TBCK: variants seen among roughly 807,000 people sequenced by gnomAD.
The protein encoded by TBCK is TBC domain-containing protein kinase-like protein.
A neutral mutation model predicts 113.4 loss-of-function variants in TBCK; 99 were observed. The observed-to-expected ratio is 0.87, with a 90% confidence interval of 0.74 to 1.03. The LOEUF (loss-of-function observed/expected upper bound fraction) is 1.03. Ranked by LOEUF, TBCK falls within the 50% of genes least tolerant of loss-of-function variation. The pLI, the probability that TBCK is intolerant of heterozygous loss-of-function variation, is 0.00. For synonymous variants in TBCK, 369 were observed against 370.8 expected (o/e 1.00, Z 0.05); for missense variants, 1,045 against 1,061.3 (o/e 0.98, Z 0.21).
intron 23 of TBCK, among the ~76,000 whole-genome samples, chr4:106,168,834 C>T (rs1379612972): frequency 6.6e-6 from 1 of 151,752 alleles, no homozygotes; most frequent in East Asian, 1.9e-4. Context: ...AGAAATCCAA[C>T]AACTAGATAA....
intron 23 of TBCK, among the ~76,000 whole-genome samples, chr4:106,151,418 T>C (rs1748473043): frequency 6.6e-6 from 1 of 151,946 alleles, no homozygotes; most frequent in Admixed American, 6.6e-5. Context: ...ATGAGTTCAA[T>C]TTATTTTAAT....
chr4:106,240,805 A>G (rs1348417742), intron 12 of TBCK, among the ~76,000 whole-genome samples: 1 of 152,052 alleles, frequency 6.6e-6, no homozygotes, highest in Non-Finnish European at 1.5e-5. Context: ...AAAAAATATG[A>G]TGGATTGATG....
chr4:106,226,725 T>C (rs938313889), intron 19 of TBCK, among the ~76,000 whole-genome samples: 1 of 152,180 alleles, frequency 6.6e-6, no homozygotes, highest in Non-Finnish European at 1.5e-5. Flanking sequence ...ATTATTTAAA[T>C]TGCATAGTTT....
At chr4:106,301,284 CTACTT>C (rs139646381) in intron 2 of TBCK, among the ~76,000 whole-genome samples, 19,598 of 151,816 alleles carry the variant, frequency 0.13, 1,578 homozygotes, top group South Asian at 0.24. Flanking sequence ...CTATTATTCT[CTACTT>C]TAATTTCAAA....
intron 5 of TBCK, among the ~76,000 whole-genome samples, chr4:106,259,736 C>T (rs1397887210): frequency 6.6e-6 from 1 of 151,828 alleles, no homozygotes; most frequent in Non-Finnish European, 1.5e-5. Flanking sequence ...ATTTTTGTAA[C>T]TATTTTATCT....
chr4:106,255,984 T>C (rs1004795961), intron 5 of TBCK, among the ~76,000 whole-genome samples: 11 of 152,164 alleles, frequency 7.2e-5, no homozygotes, highest in African/African-American at 2.7e-4. Context: ...GGTGTCCCTA[T>C]GAGCATTCAG....
Position 106,174,234 on chromosome 4 carries a change from G to A in TBCK, c.2060-2964C>T, listed in dbSNP as rs370715802. ...CCCTATATTTGATTCCTAACTTTTT[G>A]GGTAAGACATTATTTACCACTCTTT... On this transcript the variant is annotated intron_variant, in intron 22 of 25. Coordinates refer to ENST00000394708, the MANE Select transcript of TBCK (RefSeq NM_001163435.3). Among the ~76,000 whole-genome samples, 8 of 152,042 alleles carry A rather than the reference G, an allele frequency of 5.3e-5. No individual in the cohort carries two copies. In the South Asian group the frequency reaches 1.0e-3, roughly 20 times the overall value.
At chr4:106,194,842 T>C (rs1334470581) in intron 20 of TBCK, 88 bp from the exon 21 acceptor site, 6 of 1,175,380 alleles carry the variant, frequency 5.1e-6, no homozygotes, top group Non-Finnish European at 7.2e-6. Context: ...AAATGGTAAA[T>C]GTAAGTTCTA....
rs79456874 is a variant in TBCK, at chr4:106,175,188, T to C, written c.2060-3918A>G. On this transcript the variant is annotated intron_variant, in intron 22 of 25. Transcript: ENST00000394708. ...TCCAGATTTTCAACAATTTTCATTG[T>C]TATGTTTAAAAGTTCTGTTTTTTCA... 2.7e-3 allele frequency among the ~76,000 whole-genome samples: 411 copies of C among 151,970 alleles called. 4 individuals carry two copies. The highest frequency in any genetic ancestry group is 9.4e-3 in the African/African-American group (391 of 41,500).
intron 22 of TBCK, among the ~76,000 whole-genome samples, chr4:106,174,850 C>T (rs894057408): frequency 1.3e-5 from 2 of 151,994 alleles, no homozygotes; most frequent in African/African-American, 2.4e-5. Flanking sequence ...AGGCCAGGCA[C>T]GGTGGCTCAT....
At chr4:106,109,018 T>TACAC (rs112164356) in intron 24 of TBCK, among the ~76,000 whole-genome samples, 26,477 of 140,480 alleles carry the variant, frequency 0.19, 2,479 homozygotes, top group Middle Eastern at 0.28. Context: ...GACACACACA[T>TACAC]ACACACACAC....
At chr4:106,117,609 T>C (rs1245545652) in intron 23 of TBCK, among the ~76,000 whole-genome samples, 2 of 152,200 alleles carry the variant, frequency 1.3e-5, no homozygotes, top group Non-Finnish European at 1.5e-5. Flanking sequence ...AGAAGAAGGA[T>C]GAGCCTTTCC....
intron 23 of TBCK, among the ~76,000 whole-genome samples, chr4:106,143,693 C>A (rs1048340754): frequency 1.1e-4 from 16 of 151,848 alleles, no homozygotes; most frequent in African/African-American, 3.9e-4. Flanking sequence ...GGCGGGCGGA[C>A]CACCTGAGGT....
chr4:106,107,483 T>C (rs1335930549), intron 24 of TBCK, among the ~76,000 whole-genome samples: 1 of 152,096 alleles, frequency 6.6e-6, no homozygotes, highest in African/African-American at 2.4e-5. Flanking sequence ...ACAATAAAAA[T>C]CACTCAAAAT....
intron 22 of TBCK, among the ~76,000 whole-genome samples, chr4:106,182,952 C>A (rs780659976): frequency 6.6e-6 from 1 of 152,036 alleles, no homozygotes; most frequent in African/African-American, 2.4e-5. Flanking sequence ...TTGAGTAACT[C>A]ACTGATCCAC....
At position 106,266,343 on chromosome 4, in the gene TBCK, AC is replaced by A. The variant is rs938371401; in HGVS notation, c.267-4132del. 2.4e-4 allele frequency among the ~76,000 whole-genome samples: 36 copies of A among 151,866 alleles called. 1 individual carries two copies. The highest frequency in any genetic ancestry group is 2.1e-3 in the Admixed American group (32 of 15,208). On this transcript the variant is annotated intron_variant, in intron 3 of 25. Coordinates refer to ENST00000394708, the MANE Select transcript of TBCK (RefSeq NM_001163435.3). Reference sequence around the variant, plus strand: ...TTCTTGTCTGTTTCTCACACAACTCACAAAAAACTGATGCCATATTCAGCTA... The same window carrying A: ...TTCTTGTCTGTTTCTCACACAACTCAAAAAAACTGATGCCATATTCAGCTA...
chr4:106,289,952 T>C (rs1765518784), intron 3 of TBCK, among the ~76,000 whole-genome samples: 1 of 152,134 alleles, frequency 6.6e-6, no homozygotes. Flanking sequence ...TTAGGGCATA[T>C]TGCATCACAC....
intron 19 of TBCK, among the ~76,000 whole-genome samples, chr4:106,218,338 G>C (rs1447406502): frequency 2.3e-4 from 35 of 150,420 alleles, no homozygotes; most frequent in African/African-American, 8.6e-4. Context: ...AACACCAAAA[G>C]CAATGGCAAC....
At chr4:106,231,488 C>G (rs1579329268) in intron 18 of TBCK, among the ~76,000 whole-genome samples, 2 of 151,590 alleles carry the variant, frequency 1.3e-5, no homozygotes, top group African/African-American at 2.4e-5. Flanking sequence ...AAATTAATCT[C>G]TAAAGAATTT....
Sources: gnomAD v4.1 joint callset for allele counts (sites outside exome capture counted in the v4.1 genomes callset) on GRCh38, gnomAD v4.1.1 for gene constraint, MANE v1.5 for transcripts, NCBI Gene and HGNC (gene_info 2026-07-23, HGNC 2026-07-21) for gene names.